Variants in RNF212 observed in about 807,000 individuals in gnomAD.
The protein encoded by RNF212 is ring finger protein 212, also known as probable E3 SUMO-protein ligase RNF212.
RNF212 carries 33 observed loss-of-function variants against 34.7 expected under a neutral mutation model. The observed-to-expected ratio is 0.95, with a 90% CI of 0.72 to 1.27. The LOEUF (loss-of-function observed/expected upper bound fraction) is 1.27. Ranked by LOEUF, RNF212 falls within the 50% of genes most tolerant of loss-of-function variation. RNF212 has a pLI of 0.00. For synonymous variants in RNF212, 140 were observed against 136.1 expected, an observed-to-expected ratio of 1.03 and a Z score of -0.20; for missense variants, 377 against 362.2, an observed-to-expected ratio of 1.04 and a Z score of -0.33.
rs558344618 is a variant in RNF212 at position 1,109,260 on chromosome 4, G to A, written c.110-856C>T. ...TGACCTCAGGTGATCAGCCCACATC[G>A]GTCTCTCAAAGTGCTGGGATTATAG... is the stretch of plus-strand genomic sequence containing the variant. On this transcript the variant is annotated intron_variant, in intron 1 of 9. Transcript: ENST00000433731. Among the ~76,000 whole-genome samples, 155 of 151,824 alleles carry A rather than the reference G, an allele frequency of 1.0e-3. 1 individual carries two copies. Among genetic ancestry groups the A allele is most frequent in the African/African-American group, 3.6e-3 (150 of 41,434 alleles).
At chr4:1,094,858 A>AGTTTGT (rs1451223495) in intron 3 of RNF212, among the ~76,000 whole-genome samples, 4 of 152,212 alleles carry the variant, frequency 2.6e-5, no homozygotes, top group Admixed American at 2.0e-4. Context: ...GACTGAGACC[A>AGTTTGT]CTTTGTCTCA....
intron 2 of RNF212, chr4:1,099,567 G>A: frequency 2.6e-6 from 1 of 380,656 alleles, no homozygotes; most frequent in Non-Finnish European, 5.2e-6. Flanking sequence ...CAAGAAAACT[G>A]AATTTTTGTT....
chr4:1,090,613 G>T (rs933064466), intron 4 of RNF212, among the ~76,000 whole-genome samples, 169 bp downstream of exon 4: 3 of 152,138 alleles, frequency 2.0e-5, no homozygotes, highest in African/African-American at 7.2e-5. Flanking sequence ...GGGCAAATAG[G>T]CTGCTCAGAA....
chr4:1,062,858 A>G (rs1223425683), intron 3 of RNF212, among the ~76,000 whole-genome samples: 2 of 152,276 alleles, frequency 1.3e-5, no homozygotes, highest in Non-Finnish European at 2.9e-5. Context: ...AACTCAGTAG[A>G]TTGCAGGATA....
intron 3 of RNF212, among the ~76,000 whole-genome samples, chr4:1,063,068 T>G (rs1378338710): frequency 6.6e-6 from 1 of 152,166 alleles, no homozygotes; most frequent in Non-Finnish European, 1.5e-5. Context: ...TAAATAAAGG[T>G]AAAGCTATGT....
Position 1,090,812 on chromosome 4 carries a change from C to T in RNF212, c.273G>A (p.Arg91=). 3.8e-6 allele frequency: 6 copies of T among 1,593,748 alleles called. No homozygotes were observed. The highest frequency in any genetic ancestry group is 5.2e-6 in the Non-Finnish European group (6 of 1,162,340). ...SQILEFQEKH[R]KRLLAFYREK... is the part of the protein sequence containing the mutation. ...CTCTATAGAAGGCTAACAATCTCTT[C>T]CTGTGTTTTTCTTGAAATTCTAAAA... Residue 91 remains arginine, a synonymous_variant, in exon 4 of 10, where the codon AGG becomes AGA. Coordinates refer to ENST00000433731, the MANE Select transcript of RNF212 (RefSeq NM_001131034.4).
intron 2 of RNF212, among the ~76,000 whole-genome samples, chr4:1,097,797 G>C (rs1357276712): frequency 6.6e-6 from 1 of 152,176 alleles, no homozygotes; most frequent in Admixed American, 6.5e-5. Flanking sequence ...AAGAAAAGAG[G>C]CTCACGCCTG....
chr4:1,073,707 G>A (rs374753687), intron 8 of RNF212, 45 bp from the exon 9 acceptor site: 377 of 1,374,342 alleles, frequency 2.7e-4, no homozygotes, highest in Admixed American at 4.7e-4. Flanking sequence ...CCAATATTGC[G>A]GCTTACGAGA....
chr4:1,066,493 T>C (rs954495229), downstream of RNF212, among the ~76,000 whole-genome samples: 8 of 152,116 alleles, frequency 5.3e-5, no homozygotes, highest in Admixed American at 1.3e-4. Flanking sequence ...CATGCCTAAC[T>C]ACTTTTTAAG....
intron 3 of RNF212, among the ~76,000 whole-genome samples, chr4:1,060,831 G>C (rs4690215): frequency 0.81 from 123,462 of 152,220 alleles, 50,784 homozygotes; most frequent in African/African-American, 0.94. Flanking sequence ...GAGTCTGCAG[G>C]GCAGACAACG....
chr4:1,091,184 C>G (rs1270167915), intron 3 of RNF212, among the ~76,000 whole-genome samples: 4 of 152,172 alleles, frequency 2.6e-5, no homozygotes, highest in African/African-American at 9.6e-5. Flanking sequence ...GGACCAATGG[C>G]TGGGGCAAGT....
In RNF212 at chr4:1,113,490, G is replaced by C. The variant is rs11728360; in HGVS notation, c.-26C>G. The C allele has an allele frequency of 1.3e-5, 21 of 1,589,554 alleles. No individual in the cohort carries two copies. The highest frequency in any genetic ancestry group is 5.4e-5 in the African/African-American group (4 of 73,574). On this transcript the variant is annotated 5_prime_UTR_variant, in exon 1 of 10. Coordinates refer to ENST00000433731, the MANE Select transcript of RNF212 (RefSeq NM_001131034.4). ...GCCAGGCGGGCGACCGCAGCGGCGA[G>C]GCCGGGCCCACGCGAAGCCCACGCA... is the stretch of plus-strand genomic sequence containing the variant.
chr4:1,108,062 T>C (rs1725094356), intron 2 of RNF212, among the ~76,000 whole-genome samples: 1 of 152,210 alleles, frequency 6.6e-6, no homozygotes, highest in East Asian at 1.9e-4. Flanking sequence ...CCTCTTAAGG[T>C]GCCTGTATTG....
chr4:1,110,466 T>C (rs1339209898), intron 1 of RNF212, among the ~76,000 whole-genome samples: 1 of 152,050 alleles, frequency 6.6e-6, no homozygotes, highest in Non-Finnish European at 1.5e-5. Flanking sequence ...GAAGAATATA[T>C]TCCAAGGAAA....
intron 5 of RNF212, among the ~76,000 whole-genome samples, chr4:1,084,631 G>A (rs931122457): frequency 1.3e-5 from 2 of 148,302 alleles, no homozygotes; most frequent in South Asian, 2.2e-4. Flanking sequence ...TTGGCAGGCA[G>A]AGGCAGCAGA....
At chr4:1,113,660 C>G (rs369029832), upstream of RNF212, 1,815 of 477,036 alleles carry the variant, frequency 3.8e-3, 86 homozygotes, top group South Asian at 0.052. Flanking sequence ...TGGGAGGGCG[C>G]GTGTGACTCG....
At chr4:1,084,959 C>T (rs1288745644) in intron 5 of RNF212, among the ~76,000 whole-genome samples, 1 of 152,216 alleles carries the variant, frequency 6.6e-6, no homozygotes, top group African/African-American at 2.4e-5. Flanking sequence ...ACTGGCGTCA[C>T]CAGCTTCCCA....
upstream of RNF212, chr4:1,113,691 G>A (rs1452799189): frequency 4.5e-6 from 2 of 440,140 alleles, no homozygotes; most frequent in Non-Finnish European, 8.1e-6. Context: ...CGTTTGGGCT[G>A]GAGTAGGCGG....
In RNF212 at chr4:1,096,768, G is replaced by C; in HGVS notation, c.243C>G (p.Ser81=). Residue 81 remains serine, a synonymous_variant, in exon 3 of 10, where the codon TCC becomes TCG. Transcript: ENST00000433731. ...AGCCACACCCCTCACAGCTCACCTG[G>C]GAGGTTTCCCTGGAGTACTTCTTAC... ...SLCKKYSRET[S]QILEFQEKHR... The C allele has an allele frequency of 6.2e-7, 1 of 1,611,734 alleles. No individual in the cohort carries two copies. The highest frequency in any genetic ancestry group is 8.5e-7 in the Non-Finnish European group (1 of 1,177,784).
Sources: allele counts gnomAD v4.1 joint callset (sites outside exome capture counted in the v4.1 genomes callset), GRCh38; gene constraint gnomAD v4.1.1; transcripts MANE v1.5; gene names NCBI Gene and HGNC (gene_info 2026-07-23, HGNC 2026-07-21).